AREL1: variants seen among roughly 807,000 people sequenced by gnomAD.
AREL1 encodes apoptosis-resistant E3 ubiquitin protein ligase 1.
AREL1 carries 62 observed loss-of-function variants against 99.0 expected under a neutral mutation model. The ratio of observed to expected loss-of-function variants is 0.63; its 90% CI spans 0.51 to 0.77. AREL1 has a LOEUF of 0.77. Among genes scored for constraint, AREL1 ranks in the 30% least tolerant of loss-of-function variants. The pLI is 0.00. For missense variants in AREL1, 879 were observed against 1,027.6 expected, an observed-to-expected ratio of 0.86 and a Z score of 1.98; for synonymous variants, 380 against 376.5, an observed-to-expected ratio of 1.01 and a Z score of -0.11.
intron 1 of AREL1, among the ~76,000 whole-genome samples, chr14:74,698,358 G>A (rs2090013822): frequency 6.6e-6 from 1 of 151,980 alleles, no homozygotes; most frequent in Non-Finnish European, 1.5e-5. Context: ...TTTATCTTCT[G>A]GCTTCTAGAA....
chr14:74,692,048 C>A lies in AREL1; in HGVS notation c.-53G>T, dbSNP rs1226463715. On this transcript the variant is annotated 5_prime_UTR_variant, in exon 2 of 20. Coordinates refer to ENST00000356357, the MANE Select transcript of AREL1 (RefSeq NM_001039479.2). ...CTCAGTCTGTTACCTTACCTTTAAA[C>A]GAGGGCCCATGTTCTGAGAACCAAG... 2 of 387,756 alleles carry A rather than the reference C, an allele frequency of 5.2e-6. No individual in the cohort carries two copies. Among genetic ancestry groups the A allele is most frequent in the Non-Finnish European group, 9.9e-6 (2 of 202,418 alleles). The allele number at this position is 387,756 out of a possible 1,614,324, so 24.0% of individuals were successfully genotyped here. A position where few individuals can be genotyped will look rare whatever the true frequency, so the allele number is the denominator to read the frequency against.
chr14:74,701,640 C>T (rs907487530), intron 1 of AREL1: 3 of 152,130 alleles, frequency 2.0e-5, no homozygotes, highest in Non-Finnish European at 4.4e-5. Context: ...TCATTCCACC[C>T]CGGCCCCTCC....
At chr14:74,679,188 CT>C (rs2089569920) in intron 5 of AREL1, among the ~76,000 whole-genome samples, 1 of 152,188 alleles carries the variant, frequency 6.6e-6, no homozygotes. Context: ...AACATGTGCT[CT>C]GTGAATAACT....
At chr14:74,682,565 C>T (rs972312922) in intron 5 of AREL1, among the ~76,000 whole-genome samples, 6 of 152,260 alleles carry the variant, frequency 3.9e-5, no homozygotes, top group Admixed American at 1.3e-4. Context: ...TACAGATTCA[C>T]GCTACAGCAT....
At chr14:74,668,439 A>T (rs8019690) in intron 15 of AREL1, among the ~76,000 whole-genome samples, 39,274 of 151,714 alleles carry the variant, frequency 0.26, 5,410 homozygotes, top group South Asian at 0.36. Flanking sequence ...AATGTAAAAC[A>T]TTTTTTCTGT....
intron 18 of AREL1, 23 bp downstream of exon 18, chr14:74,664,813 T>A (rs2089176166): frequency 4.4e-6 from 7 of 1,606,468 alleles, no homozygotes; most frequent in Non-Finnish European, 5.1e-6. Flanking sequence ...CAAATCCAAC[T>A]GAAAGAAGTT....
At chr14:74,667,412 C>T (rs769233140) in intron 16 of AREL1, 35 bp from the exon 17 acceptor site, 2 of 1,614,214 alleles carry the variant, frequency 1.2e-6, no homozygotes, top group Admixed American at 1.7e-5. Flanking sequence ...GTCATACCCA[C>T]ACCATGGATA....
At chr14:74,668,858 C>T (rs913091830) in intron 15 of AREL1, among the ~76,000 whole-genome samples, 2 of 152,158 alleles carry the variant, frequency 1.3e-5, no homozygotes, top group African/African-American at 4.8e-5. Context: ...ATCTCTGGGC[C>T]ATCATTTTCT....
intron 1 of AREL1, among the ~76,000 whole-genome samples, chr14:74,693,859 A>G (rs772954430): frequency 3.3e-5 from 5 of 152,248 alleles, no homozygotes; most frequent in African/African-American, 9.6e-5. Context: ...TTAAAAATAA[A>G]TAAGTATATG....
intron 3 of AREL1, 27 bp from the exon 4 acceptor site, chr14:74,684,707 C>G (rs781754610): frequency 1.1e-5 from 17 of 1,600,178 alleles, no homozygotes; most frequent in Non-Finnish European, 1.4e-5. Flanking sequence ...ACACACAAAC[C>G]GCCTGCCAGT....
rs143377610 is a variant in AREL1, at chr14:74,672,689, C to T, written c.1422+142G>A. 8.4e-5 allele frequency: 97 copies of T among 1,152,398 alleles called. No individual in the cohort carries two copies. In the African/African-American group the frequency reaches 1.0e-3, roughly 12 times the overall value. 71.4% of individuals were successfully genotyped at this position (1,152,398 alleles called of 1,614,324 possible). On this transcript the variant is annotated intron_variant, in intron 11 of 19. Transcript: ENST00000356357. ...GATCGAGGCTGCAGTGAGCCATGAT[C>T]GCACCTCTGCACCCCAGCCTGGGCA...
At chr14:74,694,958 C>T (rs1197098174) in intron 1 of AREL1, among the ~76,000 whole-genome samples, 1 of 138,970 alleles carries the variant, frequency 7.2e-6, no homozygotes, top group Admixed American at 7.7e-5. Flanking sequence ...CACTGCACTC[C>T]AGCCTGGGCG....
At position 74,681,213 on chromosome 14, in the gene AREL1, G is replaced by T. The variant is rs187251646; in HGVS notation, c.481+2083C>A. Among the ~76,000 whole-genome samples, 94 of 151,938 alleles carry T rather than the reference G, an allele frequency of 6.2e-4. 1 individual carries two copies. The highest frequency in any genetic ancestry group is 3.4e-3 in the Middle Eastern group (1 of 292). On this transcript the variant is annotated intron_variant, in intron 5 of 19. Transcript: ENST00000356357. ...AAACAACAAAACATTCCTATACCAC[G>T]TTTGGAGAGAAAAAAACCACAAAAC...
At chr14:74,691,672 C>G (rs1395558027) in intron 2 of AREL1, among the ~76,000 whole-genome samples, 1 of 152,186 alleles carries the variant, frequency 6.6e-6, no homozygotes, top group Non-Finnish European at 1.5e-5. Context: ...CTTAATACTA[C>G]AGCATTTTGG....
intron 7 of AREL1, 85 bp from the exon 8 acceptor site, chr14:74,676,031 A>G: frequency 1.9e-6 from 3 of 1,551,320 alleles, no homozygotes; most frequent in Non-Finnish European, 2.6e-6. Context: ...CCACAGGACA[A>G]GCCAAATGTG....
At chr14:74,687,977 A>G (rs2089783396) in intron 2 of AREL1, among the ~76,000 whole-genome samples, 1 of 149,130 alleles carries the variant, frequency 6.7e-6, no homozygotes, top group Non-Finnish European at 1.5e-5. Flanking sequence ...AGGGTTAAAA[A>G]CTCATCCTAA....
At chr14:74,705,688 T>C (rs1400962246) in intron 1 of AREL1, among the ~76,000 whole-genome samples, 1 of 152,242 alleles carries the variant, frequency 6.6e-6, no homozygotes, top group East Asian at 1.9e-4. Context: ...AATTAAAATT[T>C]AGGCTTATAA....
chr14:74,692,004 C>T (rs1473378085), intron 2 of AREL1, 37 bp downstream of exon 2: 3 of 333,870 alleles, frequency 9.0e-6, no homozygotes, highest in African/African-American at 6.7e-5. Context: ...TGTTGTACAT[C>T]CCAATAACTA....
At chr14:74,678,993 A>G (rs2089563603) in intron 5 of AREL1, among the ~76,000 whole-genome samples, 2 of 152,030 alleles carry the variant, frequency 1.3e-5, no homozygotes, top group Non-Finnish European at 2.9e-5. Context: ...TGGGCTTGTT[A>G]TCCTACCACC....
Sources: allele counts gnomAD v4.1 joint callset (sites outside exome capture counted in the v4.1 genomes callset), GRCh38; gene constraint gnomAD v4.1.1; transcripts MANE v1.5; gene names NCBI Gene and HGNC (gene_info 2026-07-23, HGNC 2026-07-21).